The following ALPK3 variants were observed in gnomAD, a reference collection of about 807,000 sequenced individuals.
ALPK3 encodes the protein alpha-protein kinase 3.
Under a neutral mutation model 140.0 loss-of-function variants are expected in ALPK3, and 102 were observed. The observed-to-expected ratio is 0.73, with a 90% CI of 0.62 to 0.86. ALPK3 has a LOEUF of 0.86. ALPK3 is among the 40% of genes least tolerant of loss of function. The pLI, the probability that ALPK3 is intolerant of heterozygous loss-of-function variation, is 0.00. For missense variants in ALPK3, 2,254 were observed against 2,208.2 expected, an observed-to-expected ratio of 1.02 and a Z score of -0.42; for synonymous variants, 938 against 898.5, an observed-to-expected ratio of 1.04 and a Z score of -0.79.
At chr15:84,827,648 A>C in intron 3 of ALPK3, 43 bp downstream of exon 3, 2 of 1,610,528 alleles carry the variant, frequency 1.2e-6, no homozygotes, top group Non-Finnish European at 1.7e-6. Context: ...GCCTCTGCAC[A>C]GAGCAGGGTC....
At chr15:84,841,351 T>C (rs939557056) in intron 5 of ALPK3, among the ~76,000 whole-genome samples, 3 of 152,220 alleles carry the variant, frequency 2.0e-5, no homozygotes, top group Non-Finnish European at 4.4e-5. Flanking sequence ...ACTCATTCGA[T>C]TTTTAACAAA....
chr15:84,867,450 G>A (rs1445077297), intron 13 of ALPK3, 85 bp downstream of exon 13: 1 of 1,526,054 alleles, frequency 6.6e-7, no homozygotes, highest in African/African-American at 1.4e-5. Flanking sequence ...CTCCATCCCT[G>A]AGGTGCTGGG....
intron 10 of ALPK3, among the ~76,000 whole-genome samples, chr15:84,863,274 T>C (rs889577436): frequency 6.6e-6 from 1 of 152,100 alleles, no homozygotes; most frequent in African/African-American, 2.4e-5. Flanking sequence ...CACAGAGTGG[T>C]CTCTGGGACA....
rs757945939 is a variant in ALPK3, at chr15:84,839,702, G to T, written c.423G>T (p.Arg141Ser). Residue 141 changes from arginine (R) to serine (S), a missense_variant and splice_region_variant, in exon 5 of 14, where the codon AGG becomes AGT. Coordinates refer to ENST00000258888, the MANE Select transcript of ALPK3 (RefSeq NM_020778.5). ...QGNRHTLQLY[R>S]CREEDAAIYQ... ...TGGCACCTCCCGCTCCTACCTCTAG[G>T]TGTCGAGAAGAAGATGCCGCCATCT... 1 of 1,598,584 alleles carries T rather than the reference G, an allele frequency of 6.3e-7. No individual in the cohort carries two copies. Among genetic ancestry groups the T allele is most frequent in the African/African-American group, 1.3e-5 (1 of 74,786 alleles).
intron 1 of ALPK3, among the ~76,000 whole-genome samples, chr15:84,819,561 A>G (rs1253091210): frequency 2.0e-5 from 3 of 152,076 alleles, no homozygotes; most frequent in African/African-American, 7.2e-5. Flanking sequence ...TGTTGGAGGG[A>G]GCCACCGTAC....
intron 13 of ALPK3, 77 bp downstream of exon 13, chr15:84,867,442 C>G: frequency 6.4e-7 from 1 of 1,559,304 alleles, no homozygotes. Context: ...TTCTGGTTCT[C>G]CATCCCTGAG....
At chr15:84,820,805 A>G (rs1311624938) in intron 1 of ALPK3, among the ~76,000 whole-genome samples, 1 of 151,998 alleles carries the variant, frequency 6.6e-6, no homozygotes. Flanking sequence ...TTTATTTTTT[A>G]TAAAGATGGG....
At chr15:84,861,566 T>G (rs1963946007) in intron 9 of ALPK3, among the ~76,000 whole-genome samples, 2 of 152,186 alleles carry the variant, frequency 1.3e-5, no homozygotes, top group African/African-American at 4.8e-5. Context: ...TATCTAGGGG[T>G]TTTGGCAGTC....
chr15:84,858,410 G>T lies in ALPK3; in HGVS notation c.3672G>T (p.Leu1224=). 5.1e-6 allele frequency: 8 copies of T among 1,558,052 alleles called. No homozygotes were observed. Among genetic ancestry groups the T allele is most frequent in the Non-Finnish European group, 6.9e-6 (8 of 1,153,590 alleles). ...SPTQGRKASM[L]EVPRAEEELA... ...CGCAGGGCAGAAAGGCGAGCATGCT[G>T]GAGGTGCCTCGGGCAGAGGAGGAGC... Residue 1224 remains leucine, a synonymous_variant, in exon 6 of 14, where the codon CTG becomes CTT. Transcript: ENST00000258888.
At chr15:84,835,403 C>T (rs186447599) in intron 3 of ALPK3, among the ~76,000 whole-genome samples, 1 of 152,302 alleles carries the variant, frequency 6.6e-6, no homozygotes, top group Admixed American at 6.5e-5. Flanking sequence ...GTCACCCTCC[C>T]CCTCTCATGT....
At position 84,827,730 on chromosome 15, in the gene ALPK3, C is replaced by T. The variant is rs1963505232; in HGVS notation, c.304+125C>T. 5 of 1,321,130 alleles carry T rather than the reference C, an allele frequency of 3.8e-6. No homozygotes were observed. The Admixed American group carries it at 8.9e-5, about 23-fold the overall frequency. 81.8% of individuals were successfully genotyped at this position (1,321,130 alleles called of 1,614,324 possible). ...ACAAAACTACGTGAGGTGACATTTA[C>T]TTTCTGAGCTTTCTCTCTAGTTTAA... On this transcript the variant is annotated intron_variant, in intron 3 of 13. Transcript: ENST00000258888.
At position 84,840,672 on chromosome 15, in the gene ALPK3, C is replaced by A. The variant is rs771343949; in HGVS notation, c.1393C>A (p.Gln465Lys). Residue 465 changes from glutamine to lysine, a missense_variant, in exon 5 of 14, where the codon CAG becomes AAG. By Grantham distance (53) the Gln-to-Lys change is moderately conservative. This residue lies in a region of ALPK3 where 2,088 missense variants were observed against 2,022.9 expected (regional missense o/e 1.03). Coordinates refer to ENST00000258888, the MANE Select transcript of ALPK3 (RefSeq NM_020778.5). ...RSEGVPGAPG[Q>K]PTHSLTPQPT... ...CGAGGGGGTGCCTGGCGCTCCTGGC[C>A]AGCCCACACACTCCTTGACCCCCCA... is the stretch of plus-strand genomic sequence containing the variant. The A allele has an allele frequency of 3.8e-5, 61 of 1,592,892 alleles. No homozygotes were observed. The Middle Eastern group carries it at 6.7e-4, about 18-fold the overall frequency.
Position 84,858,189 on chromosome 15 carries a change from C to T in ALPK3, c.3451C>T (p.Leu1151Phe), listed in dbSNP as rs779886712. 2.4e-5 allele frequency: 38 copies of T among 1,612,354 alleles called. No homozygotes were observed. The highest frequency in any genetic ancestry group is 3.1e-5 in the Non-Finnish European group (37 of 1,179,392). ...EKFPGEALTG[L>F]PAATPEELAL... Reference sequence around the variant, plus strand: ...GTTCCCAGGGGAGGCTCTGACAGGTCTCCCGGCAGCTACACCTGAGGAACT... The same window carrying T: ...GTTCCCAGGGGAGGCTCTGACAGGTTTCCCGGCAGCTACACCTGAGGAACT... Residue 1151 changes from leucine to phenylalanine, a missense_variant, in exon 6 of 14, where the codon CTC becomes TTC. Transcript: ENST00000258888.
In ALPK3 at chr15:84,817,392, G is replaced by T; in HGVS notation, c.-61G>T. On this transcript the variant is annotated 5_prime_UTR_variant, in exon 1 of 14. Coordinates refer to ENST00000258888, the MANE Select transcript of ALPK3 (RefSeq NM_020778.5). The stretch of plus-strand genomic sequence containing the variant: ...CGGCGGGCAGGGGCCCGGGGGCCGG[G>T]GCCTGGAGGACAGGCGAGGCAGCGG... 8 of 1,224,082 alleles carry T rather than the reference G, an allele frequency of 6.5e-6. No individual in the cohort carries two copies. The highest frequency in any genetic ancestry group is 8.1e-6 in the Non-Finnish European group (8 of 984,862). The allele number at this position is 1,224,082 out of a possible 1,614,324, so 75.8% of individuals were successfully genotyped here. A position where few individuals can be genotyped will look rare whatever the true frequency, so the allele number is the denominator to read the frequency against.
rs1002266342 is a variant in ALPK3, at chr15:84,859,423, G to T, written c.3965+33G>T. ...AACGACACCACTGCCACCTGACCTG[G>T]CTCCCTGATTGCAGTAATACCGTTG... is the stretch of plus-strand genomic sequence containing the variant. On this transcript the variant is annotated intron_variant, in intron 7 of 13. Coordinates refer to ENST00000258888, the MANE Select transcript of ALPK3 (RefSeq NM_020778.5). 9 of 1,611,838 alleles carry T rather than the reference G, an allele frequency of 5.6e-6. No homozygotes were observed. The African/African-American group carries it at 8.0e-5, about 14-fold the overall frequency.
rs1964097492 is a variant in ALPK3, at chr15:84,873,311, G to A, written c.*4855G>A. The A allele has an allele frequency of 6.6e-6, 1 of 152,134 alleles. No homozygotes were observed. The highest frequency in any genetic ancestry group is 6.5e-5 in the Admixed American group (1 of 15,288). The allele number at this position is 152,134 out of a possible 1,614,324, so 9.4% of individuals were successfully genotyped here. ...AAATCTTTGAATTCCTGCCTTTCTT[G>A]GATGTTTGGTCTTTTGATATAATTT... On this transcript the variant is annotated 3_prime_UTR_variant, in exon 14 of 14. Coordinates refer to ENST00000258888, the MANE Select transcript of ALPK3 (RefSeq NM_020778.5).
chr15:84,867,426 A>C, intron 13 of ALPK3, 61 bp downstream of exon 13: 2 of 1,591,026 alleles, frequency 1.3e-6, no homozygotes, highest in Non-Finnish European at 1.7e-6. Context: ...AAAATGTCCT[A>C]AGCCCTTCTG....
rs7172412 is a variant in ALPK3, at chr15:84,868,710, A to G, written c.*254A>G. The stretch of plus-strand genomic sequence containing the variant: ...CGGGCCTCAAGCAGTCCCCACCTCC[A>G]AGTGCCTGGCAACCTAGGCCCTCCT... On this transcript the variant is annotated 3_prime_UTR_variant, in exon 14 of 14. Transcript: ENST00000258888. 435,988 of 532,816 alleles carry G rather than the reference A, an allele frequency of 0.82. 178,939 individuals carry two copies. The highest frequency in any genetic ancestry group is 0.95 in the East Asian group (30,315 of 31,996). The allele number at this position is 532,816 out of a possible 1,614,324, so 33.0% of individuals were successfully genotyped here.
chr15:84,828,511 C>A (rs1410593235), intron 3 of ALPK3, among the ~76,000 whole-genome samples: 1 of 152,142 alleles, frequency 6.6e-6, no homozygotes, highest in Non-Finnish European at 1.5e-5. Flanking sequence ...CTCTGGAGAG[C>A]CTGTTGTTTC....
Sources: gnomAD v4.1 joint callset for allele counts (sites outside exome capture counted in the v4.1 genomes callset) on GRCh38, gnomAD v4.1.1 for gene constraint, gnomAD v4.1.1 regional missense constraint, MANE v1.5 for transcripts, NCBI Gene and HGNC (gene_info 2026-07-23, HGNC 2026-07-21) for gene names.